Variants in IQSEC1 observed in about 807,000 individuals in gnomAD.
IQSEC1 encodes IQ motif and SEC7 domain-containing protein 1.
IQSEC1 carries 31 observed loss-of-function variants against 91.0 expected under a neutral mutation model. The observed-to-expected ratio is 0.34, with a 90% CI of 0.26 to 0.46. The LOEUF is 0.46. Among genes scored for constraint, IQSEC1 ranks in the 20% least tolerant of loss-of-function variants. The probability of loss-of-function intolerance (pLI) is 1.00; values close to 1 mark genes in which losing one functional copy is unlikely to be tolerated. For missense variants in IQSEC1, 1,388 were observed against 1,575.6 expected (o/e 0.88, Z 2.02); for synonymous variants, 699 against 662.6 (o/e 1.05, Z -0.84).
chr3:13,231,579 A>T (rs913451879), intron 1 of IQSEC1, among the ~76,000 whole-genome samples: 2 of 152,116 alleles, frequency 1.3e-5, no homozygotes, highest in African/African-American at 4.8e-5. Flanking sequence ...AAATATCAAC[A>T]TGATGGGGAT....
chr3:13,111,691 G>T (rs1706247444), intron 2 of IQSEC1, among the ~76,000 whole-genome samples: 1 of 152,126 alleles, frequency 6.6e-6, no homozygotes, highest in South Asian at 2.1e-4. Flanking sequence ...TCCCCATGAT[G>T]ATATCAGTGT....
intron 1 of IQSEC1, among the ~76,000 whole-genome samples, chr3:13,017,933 C>T (rs1176026932): frequency 6.6e-6 from 1 of 152,142 alleles, no homozygotes; most frequent in Non-Finnish European, 1.5e-5. Flanking sequence ...AGATAGACAG[C>T]ACGAGCCAGG....
At position 12,903,949 on chromosome 3, in the gene IQSEC1, C is replaced by T. The variant is rs554153539; in HGVS notation, c.2756-1127G>A. 1.8e-4 allele frequency among the ~76,000 whole-genome samples: 27 copies of T among 152,328 alleles called. 1 individual carries two copies. In the South Asian group the frequency reaches 3.7e-3, roughly 21 times the overall value. ...GGGTTCACACCCAGACCTGCTCACC[C>T]GACCGCCTCTAAGGCTGGATAACTT... On this transcript the variant is annotated intron_variant, in intron 12 of 13. Coordinates refer to ENST00000613206, the MANE Select transcript of IQSEC1 (RefSeq NM_001134382.3).
chr3:13,181,275 AAACAAACAAACAAAC>A (rs1693840537), intron 1 of IQSEC1, among the ~76,000 whole-genome samples: 2 of 151,832 alleles, frequency 1.3e-5, no homozygotes, highest in African/African-American at 2.4e-5. Context: ...CGTCTCAAAC[AAACAAACAAACAAAC>A]AAACAAACAA....
At chr3:13,079,725 T>G (rs1423607461) in intron 2 of IQSEC1, among the ~76,000 whole-genome samples, 1 of 152,184 alleles carries the variant, frequency 6.6e-6, no homozygotes, top group East Asian at 1.9e-4. Context: ...ATATGTCCAT[T>G]TTACATGAGC....
intron 2 of IQSEC1, among the ~76,000 whole-genome samples, chr3:13,081,882 A>G (rs768600380): frequency 2.0e-5 from 3 of 152,248 alleles, no homozygotes; most frequent in African/African-American, 2.4e-5. Context: ...CGTGAATACC[A>G]AATGACTGAA....
At chr3:13,005,324 G>A (rs372531175) in intron 1 of IQSEC1, among the ~76,000 whole-genome samples, 8 of 152,148 alleles carry the variant, frequency 5.3e-5, no homozygotes, top group Non-Finnish European at 7.4e-5. Context: ...GGTGGAGACC[G>A]CAGCCCAGGG....
chr3:13,151,260 C>T (rs1369696365), intron 2 of IQSEC1, among the ~76,000 whole-genome samples: 3 of 152,112 alleles, frequency 2.0e-5, no homozygotes, highest in Non-Finnish European at 4.4e-5. Context: ...ACGATGCTAT[C>T]GGGAGCCCCT....
chr3:12,899,408 C>T lies in IQSEC1; in HGVS notation c.*1575G>A, dbSNP rs150774031. On this transcript the variant is annotated 3_prime_UTR_variant, in exon 14 of 14. Transcript: ENST00000613206. ...CCATGGCTTAGGAGCACAGCACTGA[C>T]GGCTGCAGTGGCTCGAAAGGCTGAA... 2.2e-5 allele frequency: 35 copies of T among 1,612,880 alleles called. No individual in the cohort carries two copies. The highest frequency in any genetic ancestry group is 8.3e-5 in the Admixed American group (5 of 59,976).
intron 1 of IQSEC1, among the ~76,000 whole-genome samples, chr3:13,171,013 T>TA (rs1431385963): frequency 5.9e-5 from 9 of 151,854 alleles, no homozygotes; most frequent in Non-Finnish European, 1.0e-4. Flanking sequence ...GGCAGGAGAA[T>TA]AGCTTGAACC....
At chr3:12,964,613 T>C (rs1174005482) in intron 1 of IQSEC1, among the ~76,000 whole-genome samples, 1 of 152,176 alleles carries the variant, frequency 6.6e-6, no homozygotes, top group Non-Finnish European at 1.5e-5. Flanking sequence ...AGCAGTGTTA[T>C]CATTCCCTTT....
At chr3:13,255,838 G>A (rs1695276358) in intron 1 of IQSEC1, among the ~76,000 whole-genome samples, 1 of 152,204 alleles carries the variant, frequency 6.6e-6, no homozygotes, top group Non-Finnish European at 1.5e-5. Context: ...TGGGATGCCT[G>A]GTTTTCCAAC....
At chr3:13,038,231 A>C (rs1576200283) in intron 1 of IQSEC1, among the ~76,000 whole-genome samples, 1 of 134,978 alleles carries the variant, frequency 7.4e-6, no homozygotes, top group South Asian at 2.3e-4. Context: ...AGGATATATA[A>C]ATATACAAGT....
chr3:13,027,207 G>A (rs1056426536), intron 1 of IQSEC1, among the ~76,000 whole-genome samples: 3 of 152,154 alleles, frequency 2.0e-5, no homozygotes, highest in African/African-American at 4.8e-5. Context: ...GAGAGCGTTG[G>A]GTCTTGGAGG....
At chr3:13,237,436 A>T (rs1475927636) in intron 1 of IQSEC1, among the ~76,000 whole-genome samples, 3 of 152,110 alleles carry the variant, frequency 2.0e-5, no homozygotes, top group Non-Finnish European at 4.4e-5. Context: ...TCTTCCAGTG[A>T]TCTTTATTTA....
At chr3:13,079,996 C>T (rs911939918) in intron 2 of IQSEC1, among the ~76,000 whole-genome samples, 2 of 152,184 alleles carry the variant, frequency 1.3e-5, no homozygotes, top group Non-Finnish European at 2.9e-5. Flanking sequence ...TGGCCAGAAG[C>T]TTGTTAGGCA....
intron 1 of IQSEC1, among the ~76,000 whole-genome samples, chr3:13,168,095 C>G (rs1377197383): frequency 1.3e-5 from 2 of 152,152 alleles, no homozygotes; most frequent in Non-Finnish European, 2.9e-5. Flanking sequence ...TTGTGTTGTT[C>G]CTGGCTATGG....
chr3:12,926,750 C>T (rs918929414), intron 3 of IQSEC1, among the ~76,000 whole-genome samples: 1 of 152,236 alleles, frequency 6.6e-6, no homozygotes, highest in African/African-American at 2.4e-5. Flanking sequence ...CTGCACAGTT[C>T]CTGGCTGACA....
rs189495604 is a variant in IQSEC1, at chr3:12,932,784, C to T, written c.1568+2664G>A. Among the ~76,000 whole-genome samples, 4 of 152,332 alleles carry T rather than the reference C, an allele frequency of 2.6e-5. No individual in the cohort carries two copies. The East Asian group carries it at 7.7e-4, about 29-fold the overall frequency. ...ACTGAAACCCTCCTGCCTCTGGCTCCTGCACCCCTGCCCTCCCGCAGCACC... is the reference window on the plus strand; with the variant it reads ...ACTGAAACCCTCCTGCCTCTGGCTCTTGCACCCCTGCCCTCCCGCAGCACC... On this transcript the variant is annotated intron_variant, in intron 3 of 13. Transcript: ENST00000613206.
Sources: allele counts gnomAD v4.1 joint callset (sites outside exome capture counted in the v4.1 genomes callset), GRCh38; gene constraint gnomAD v4.1.1; transcripts MANE v1.5; gene names NCBI Gene and HGNC (gene_info 2026-07-23, HGNC 2026-07-21).